The following SNX24 variants were observed in gnomAD, a reference collection of about 807,000 sequenced individuals.
SNX24 encodes the protein sorting nexin 24.
In SNX24, 22 loss-of-function variants were observed where a neutral mutation model predicts 28.7. The observed-to-expected ratio is 0.77, with a 90% CI of 0.55 to 1.10. The LOEUF (loss-of-function observed/expected upper bound fraction) is 1.10, where lower values mean the gene tolerates loss of function less well. Ranked by LOEUF, SNX24 falls within the 50% of genes least tolerant of loss-of-function variation. The pLI, the probability that SNX24 is intolerant of heterozygous loss-of-function variation, is 0.00. For synonymous variants in SNX24, 69 were observed against 71.5 expected (o/e 0.96, Z 0.18); for missense variants, 221 against 201.1 (o/e 1.10, Z -0.60).
chr5:122,986,029 A>G (rs138683504), intron 3 of SNX24, among the ~76,000 whole-genome samples: 84 of 152,300 alleles, frequency 5.5e-4, no homozygotes, highest in African/African-American at 1.9e-3. Flanking sequence ...AGTAAGAATG[A>G]GTGGAAGAGG....
chr5:122,970,147 G>A (rs1400793750), intron 3 of SNX24, among the ~76,000 whole-genome samples: 1 of 148,456 alleles, frequency 6.7e-6, no homozygotes, highest in Non-Finnish European at 1.5e-5. Flanking sequence ...TTTGCTCTGG[G>A]TCCTCTGGCT....
intron 5 of SNX24, chr5:123,023,782 A>G: frequency 7.1e-7 from 1 of 1,406,380 alleles, no homozygotes; most frequent in Non-Finnish European, 9.3e-7. Context: ...TAAAAAAAAA[A>G]AAGCAAATAA....
intron 3 of SNX24, among the ~76,000 whole-genome samples, chr5:122,978,347 A>G (rs970514172): frequency 2.0e-5 from 3 of 152,252 alleles, no homozygotes; most frequent in African/African-American, 7.2e-5. Flanking sequence ...TATAGCATAC[A>G]GAAAATCTGA....
chr5:122,848,644 G>A (rs1321565099), intron 1 of SNX24, among the ~76,000 whole-genome samples: 1 of 152,134 alleles, frequency 6.6e-6, no homozygotes, highest in Non-Finnish European at 1.5e-5. Context: ...CGGAGGCGGA[G>A]GTTGCAGAGA....
chr5:122,968,342 AT>A (rs951241477), intron 3 of SNX24, among the ~76,000 whole-genome samples: 1 of 152,196 alleles, frequency 6.6e-6, no homozygotes, highest in Non-Finnish European at 1.5e-5. Context: ...GCGAGACTCC[AT>A]CTCAAAACAC....
In SNX24 at chr5:122,996,698, G is replaced by T. The variant is rs988053384; in HGVS notation, c.250-3214G>T. Among the ~76,000 whole-genome samples the T allele has an allele frequency of 6.7e-4, 102 of 152,218 alleles. 1 individual carries two copies. The highest frequency in any genetic ancestry group is 2.4e-3 in the African/African-American group (99 of 41,536). On this transcript the variant is annotated intron_variant, in intron 3 of 6. Coordinates refer to ENST00000261369, the MANE Select transcript of SNX24 (RefSeq NM_014035.4). ...CTAATTTTAAGATAGAAAGAGAAAGGATTCAAACTCAGGTCTTCCTGAAAG... is the reference window on the plus strand; with the variant it reads ...CTAATTTTAAGATAGAAAGAGAAAGTATTCAAACTCAGGTCTTCCTGAAAG...
intron 5 of SNX24, 81 bp downstream of exon 5, chr5:123,001,518 T>C (rs1762246429): frequency 1.9e-6 from 2 of 1,036,256 alleles, no homozygotes; most frequent in Non-Finnish European, 2.9e-6. Flanking sequence ...TTTCAAGTTA[T>C]GTTTTTCTTA....
At chr5:122,960,851 A>G (rs902587256) in intron 3 of SNX24, among the ~76,000 whole-genome samples, 2 of 152,052 alleles carry the variant, frequency 1.3e-5, no homozygotes, top group Non-Finnish European at 2.9e-5. Flanking sequence ...GGCTGCTAGG[A>G]TTTTGAGTCA....
chr5:122,889,380 G>A (rs1346261730), intron 1 of SNX24, among the ~76,000 whole-genome samples: 1 of 151,508 alleles, frequency 6.6e-6, no homozygotes, highest in African/African-American at 2.4e-5. Context: ...CCCCTCATTC[G>A]AAAATCTGAA....
intron 1 of SNX24, among the ~76,000 whole-genome samples, chr5:122,871,962 G>T (rs965653036): frequency 2.0e-5 from 3 of 151,522 alleles, no homozygotes; most frequent in Non-Finnish European, 4.4e-5. Context: ...CCCTTTTCTC[G>T]TAAGGATCTT....
At chr5:123,028,813 A>G (rs958119802) in intron 5 of SNX24, 1 of 1,613,900 alleles carries the variant, frequency 6.2e-7, no homozygotes, top group Admixed American at 1.7e-5. Context: ...ACCTCCTTGA[A>G]TCATGAAATC....
chr5:122,985,927 C>T (rs882143), intron 3 of SNX24, among the ~76,000 whole-genome samples: 93,906 of 152,046 alleles, frequency 0.62, 30,277 homozygotes, highest in Non-Finnish European at 0.67. Flanking sequence ...GAGCTGGAGT[C>T]CAGTGGACAG....
At chr5:122,945,504 G>A (rs1273051054) in intron 2 of SNX24, among the ~76,000 whole-genome samples, 4 of 152,148 alleles carry the variant, frequency 2.6e-5, no homozygotes, top group Admixed American at 1.3e-4. Context: ...CTATCATTCA[G>A]TTTTCATGAA....
downstream of SNX24, among the ~76,000 whole-genome samples, chr5:123,009,596 A>T (rs1298630163): frequency 2.0e-5 from 3 of 152,248 alleles, no homozygotes; most frequent in Admixed American, 2.0e-4. Flanking sequence ...ACACCTCACA[A>T]GAGTGGGAAA....
At chr5:123,023,373 G>A (rs1011555424) in intron 5 of SNX24, 1 of 152,058 alleles carries the variant, frequency 6.6e-6, no homozygotes, top group African/African-American at 2.4e-5. Flanking sequence ...AAAAAGTCTT[G>A]CAAAAAGAGT....
At chr5:122,875,702 A>G (rs926438353) in intron 1 of SNX24, among the ~76,000 whole-genome samples, 2 of 152,216 alleles carry the variant, frequency 1.3e-5, no homozygotes, top group Non-Finnish European at 2.9e-5. Context: ...CCAACCTAAT[A>G]CTAACAAATA....
intron 1 of SNX24, among the ~76,000 whole-genome samples, chr5:122,932,858 C>CAAAAA (rs57930558): frequency 6.8e-5 from 6 of 88,014 alleles, no homozygotes; most frequent in African/African-American, 2.4e-4. Context: ...GACTCTGTCT[C>CAAAAA]AAAAAAAAAA....
chr5:122,853,713 C>A, intron 1 of SNX24: 1 of 410,264 alleles, frequency 2.4e-6, no homozygotes, highest in Non-Finnish European at 5.0e-6. Flanking sequence ...GCCCTGAACT[C>A]CTGGTCTCAA....
intron 5 of SNX24, chr5:123,028,925 C>T: frequency 7.2e-7 from 1 of 1,397,640 alleles, no homozygotes. Flanking sequence ...GAAAGATAAA[C>T]TCAGTGTTGA....
Sources: allele counts gnomAD v4.1 joint callset (sites outside exome capture counted in the v4.1 genomes callset), GRCh38; gene constraint gnomAD v4.1.1; transcripts MANE v1.5; gene names NCBI Gene and HGNC (gene_info 2026-07-23, HGNC 2026-07-21).